The following ESRRG variants were observed in gnomAD, a reference collection of about 807,000 sequenced individuals.
ESRRG encodes estrogen-related receptor gamma.
ESRRG carries 13 observed loss-of-function variants against 44.0 expected under a neutral mutation model. The ratio of observed to expected loss-of-function variants is 0.30; its 90% confidence interval spans 0.19 to 0.47. The LOEUF (loss-of-function observed/expected upper bound fraction) is 0.47. Ranked by LOEUF, ESRRG falls within the 20% of genes least tolerant of loss-of-function variation. The pLI, the probability that ESRRG is intolerant of heterozygous loss-of-function variation, is 1.00. For missense variants in ESRRG, 395 were observed against 580.6 expected, an observed-to-expected ratio of 0.68 and a Z score of 3.29; for synonymous variants, 215 against 214.6, an observed-to-expected ratio of 1.00 and a Z score of -0.02.
intron 1 of ESRRG, among the ~76,000 whole-genome samples, chr1:217,041,785 T>G (rs968172045): frequency 2.0e-5 from 3 of 152,260 alleles, no homozygotes; most frequent in African/African-American, 7.2e-5. Context: ...ATCATCACTT[T>G]AATTAGAATT....
intron 2 of ESRRG, among the ~76,000 whole-genome samples, chr1:216,887,037 C>A (rs1289770067): frequency 6.6e-6 from 1 of 152,090 alleles, no homozygotes; most frequent in Non-Finnish European, 1.5e-5. Flanking sequence ...GTCGCCCCGC[C>A]CCTTATAACA....
chr1:216,875,651 C>T (rs1449090514), intron 2 of ESRRG, among the ~76,000 whole-genome samples: 3 of 151,770 alleles, frequency 2.0e-5, no homozygotes, highest in South Asian at 2.1e-4. Context: ...TATTTATATT[C>T]ATTTATTACT....
chr1:217,116,903 T>C (rs958222378), intron 1 of ESRRG, among the ~76,000 whole-genome samples: 1 of 152,230 alleles, frequency 6.6e-6, no homozygotes, highest in Non-Finnish European at 1.5e-5. Flanking sequence ...AGAATGGGCA[T>C]GCAGTAACTG....
intron 1 of ESRRG, among the ~76,000 whole-genome samples, chr1:217,036,299 T>C (rs1394235060): frequency 6.6e-6 from 1 of 152,170 alleles, no homozygotes; most frequent in African/African-American, 2.4e-5. Context: ...GACCCAGCAA[T>C]CCCATTACTT....
chr1:217,000,035 G>A (rs1367679686), intron 1 of ESRRG, among the ~76,000 whole-genome samples: 1 of 152,190 alleles, frequency 6.6e-6, no homozygotes, highest in African/African-American at 2.4e-5. Context: ...GCTAAACAGT[G>A]ACTTCATTAA....
intron 2 of ESRRG, among the ~76,000 whole-genome samples, chr1:216,929,475 C>A (rs79427419): frequency 5.0e-4 from 76 of 152,154 alleles, no homozygotes; most frequent in African/African-American, 1.8e-3. Context: ...TCACCCAGTG[C>A]GTGTGTGGAG....
At chr1:217,014,740 C>T (rs563396758) in intron 1 of ESRRG, among the ~76,000 whole-genome samples, 1 of 152,264 alleles carries the variant, frequency 6.6e-6, no homozygotes, top group Non-Finnish European at 1.5e-5. Flanking sequence ...AAAATACATG[C>T]AAGTTAAAAG....
chr1:216,994,578 G>T (rs77690627), intron 1 of ESRRG, among the ~76,000 whole-genome samples: 1 of 151,924 alleles, frequency 6.6e-6, no homozygotes, highest in Non-Finnish European at 1.5e-5. Flanking sequence ...AGTCCTAACC[G>T]TTCGACAACT....
chr1:216,758,901 T>C (rs920502032), intron 2 of ESRRG, among the ~76,000 whole-genome samples: 1 of 151,992 alleles, frequency 6.6e-6, no homozygotes, highest in Non-Finnish European at 1.5e-5. Context: ...ACTATATATT[T>C]TTTTTCATGG....
At chr1:216,554,044 A>G (rs1389729592) in intron 5 of ESRRG, among the ~76,000 whole-genome samples, 2 of 152,110 alleles carry the variant, frequency 1.3e-5, no homozygotes, top group African/African-American at 2.4e-5. Context: ...TCTACTTGAA[A>G]TCTTCTAATT....
intron 1 of ESRRG, among the ~76,000 whole-genome samples, chr1:217,037,920 C>G (rs1009186730): frequency 2.6e-5 from 4 of 152,210 alleles, no homozygotes; most frequent in Non-Finnish European, 5.9e-5. Flanking sequence ...TCTTAAAGCT[C>G]CAAAATGATC....
intron 1 of ESRRG, among the ~76,000 whole-genome samples, chr1:216,690,577 G>GA (rs1184687703): frequency 1.3e-5 from 2 of 152,026 alleles, no homozygotes; most frequent in Non-Finnish European, 2.9e-5. Flanking sequence ...TAACTGCACA[G>GA]AAAATATGTC....
intron 1 of ESRRG, among the ~76,000 whole-genome samples, chr1:216,990,670 A>G (rs753565111): frequency 1.3e-5 from 2 of 152,096 alleles, no homozygotes; most frequent in Non-Finnish European, 2.9e-5. Context: ...CTAATAGTAA[A>G]TATATTTTCT....
chr1:217,107,831 G>C (rs2092616536), intron 1 of ESRRG, among the ~76,000 whole-genome samples: 1 of 151,996 alleles, frequency 6.6e-6, no homozygotes, highest in African/African-American at 2.4e-5. Context: ...TGCTGAGTCA[G>C]AGCCAAAAAA....
intron 1 of ESRRG, among the ~76,000 whole-genome samples, chr1:216,682,455 C>T (rs906863692): frequency 6.6e-6 from 1 of 152,016 alleles, no homozygotes; most frequent in Non-Finnish European, 1.5e-5. Context: ...TGTATAAGGA[C>T]ACAATGCAGC....
intron 1 of ESRRG, among the ~76,000 whole-genome samples, chr1:217,064,643 C>T (rs1156822520): frequency 6.6e-6 from 1 of 152,192 alleles, no homozygotes; most frequent in African/African-American, 2.4e-5. Flanking sequence ...GTGCAGCTAA[C>T]AGGTACAAAA....
intron 1 of ESRRG, among the ~76,000 whole-genome samples, chr1:216,690,361 T>G (rs2078841700): frequency 6.6e-6 from 1 of 152,028 alleles, no homozygotes; most frequent in African/African-American, 2.4e-5. Flanking sequence ...GGCTAGATCT[T>G]AAAAACATCC....
intron 2 of ESRRG, among the ~76,000 whole-genome samples, chr1:216,861,556 G>C (rs1377630637): frequency 2.6e-5 from 4 of 151,920 alleles, no homozygotes; most frequent in South Asian, 2.1e-4. Context: ...TGTTAGATTG[G>C]ATAAAAAAGC....
chr1:217,050,652 G>A (rs1340159563), intron 1 of ESRRG, among the ~76,000 whole-genome samples: 1 of 152,160 alleles, frequency 6.6e-6, no homozygotes, highest in Non-Finnish European at 1.5e-5. Flanking sequence ...GAATGAGAAA[G>A]CTCGGGCCAT....
Sources: allele counts gnomAD v4.1 joint callset (sites outside exome capture counted in the v4.1 genomes callset), GRCh38; gene constraint gnomAD v4.1.1; transcripts MANE v1.5; gene names NCBI Gene and HGNC (gene_info 2026-07-23, HGNC 2026-07-21).